The following B3GALT1 variants were observed in gnomAD, a reference collection of about 807,000 sequenced individuals.
B3GALT1 encodes beta-1,3-galactosyltransferase 1, also known as UDP-Gal:betaGlcNAc beta 1,3-galactosyltransferase, polypeptide 1.
In B3GALT1, 10 loss-of-function variants were observed where a neutral mutation model predicts 23.2. The ratio of observed to expected loss-of-function variants is 0.43; its 90% confidence interval spans 0.27 to 0.73. The LOEUF (loss-of-function observed/expected upper bound fraction) is 0.73, where lower values mean the gene tolerates loss of function less well. Among genes scored for constraint, B3GALT1 ranks in the 30% least tolerant of loss-of-function variants. The pLI is 0.21. For synonymous variants in B3GALT1, 156 were observed against 141.5 expected, an observed-to-expected ratio of 1.10 and a Z score of -0.73; for missense variants, 299 against 405.4, an observed-to-expected ratio of 0.74 and a Z score of 2.25.
At chr2:167,488,364 ATG>A (rs1699655995) in intron 1 of B3GALT1, among the ~76,000 whole-genome samples, 1 of 152,192 alleles carries the variant, frequency 6.6e-6, no homozygotes, top group African/African-American at 2.4e-5. Flanking sequence ...ACAGACTCTA[ATG>A]TCTGTGAGAA....
chr2:167,760,814 T>A (rs1246514743), intron 3 of B3GALT1, among the ~76,000 whole-genome samples: 3 of 152,230 alleles, frequency 2.0e-5, no homozygotes, highest in Admixed American at 2.0e-4. Context: ...AAATGCTTAA[T>A]ACATATCATG....
Position 167,869,355 on chromosome 2 carries a change from A to G in B3GALT1, c.316A>G (p.Asn106Asp). The G allele has an allele frequency of 6.2e-7, 1 of 1,614,140 alleles. No individual in the cohort carries two copies. Among genetic ancestry groups the G allele is most frequent in the Non-Finnish European group, 8.5e-7 (1 of 1,180,016 alleles). ...AIRETWGDENNFKGIKIATLF... is the reference protein window; with the variant it reads ...AIRETWGDENDFKGIKIATLF... ...CAGAGAGACGTGGGGGGATGAGAAC[A>G]ACTTTAAGGGGATCAAGATAGCCAC... is the stretch of plus-strand genomic sequence containing the variant. The change falls in exon 5 of 5, where the codon AAC becomes GAC. Residue 106 changes from asparagine to aspartate, a missense_variant. Transcript: ENST00000392690. The surrounding 1 kb of genome is among the most constrained non-coding windows in gnomAD (Gnocchi z 6.4).
chr2:167,586,059 C>T lies in B3GALT1; in HGVS notation c.-409-60850C>T, dbSNP rs554210810. ...GGTAAAGCGCCATTTTTTGGAGTGGCTGGTAGGTGTATTCACTTAGTAAAC... is the reference window on the plus strand; with the variant it reads ...GGTAAAGCGCCATTTTTTGGAGTGGTTGGTAGGTGTATTCACTTAGTAAAC... On this transcript the variant is annotated intron_variant, in intron 2 of 4. Transcript: ENST00000392690. Among the ~76,000 whole-genome samples the T allele has an allele frequency of 1.2e-4, 19 of 152,242 alleles. No individual in the cohort carries two copies. In the East Asian group the frequency reaches 3.3e-3, roughly 26 times the overall value.
chr2:167,588,551 T>C (rs991990188), intron 2 of B3GALT1, among the ~76,000 whole-genome samples: 2 of 152,222 alleles, frequency 1.3e-5, no homozygotes, highest in East Asian at 3.9e-4. Flanking sequence ...ACAATGGTTA[T>C]TATTTTTCTA....
intron 3 of B3GALT1, among the ~76,000 whole-genome samples, chr2:167,656,255 G>A (rs972146898): frequency 1.3e-5 from 2 of 152,124 alleles, no homozygotes; most frequent in Admixed American, 1.3e-4. Flanking sequence ...ATAGAGCTCA[G>A]TTTCACTTCT....
chr2:167,837,123 G>T (rs1045844126), intron 4 of B3GALT1, among the ~76,000 whole-genome samples: 3 of 151,852 alleles, frequency 2.0e-5, no homozygotes, highest in South Asian at 2.1e-4. Flanking sequence ...CATCAACTAA[G>T]GAGCAAAATA....
At chr2:167,825,000 AT>A (rs1256538060) in intron 4 of B3GALT1, among the ~76,000 whole-genome samples, 2 of 152,080 alleles carry the variant, frequency 1.3e-5, no homozygotes, top group African/African-American at 2.4e-5. Flanking sequence ...AGAAAAAAAA[AT>A]TGCATAGAAA....
chr2:167,532,700 A>G (rs763829608), intron 2 of B3GALT1, among the ~76,000 whole-genome samples: 1 of 152,136 alleles, frequency 6.6e-6, no homozygotes. Flanking sequence ...AAAGAAAACA[A>G]TGCAACATTT....
intron 1 of B3GALT1, among the ~76,000 whole-genome samples, chr2:167,458,565 G>A (rs971685796): frequency 6.6e-6 from 1 of 152,106 alleles, no homozygotes; most frequent in Non-Finnish European, 1.5e-5. Flanking sequence ...ACTATTGTAC[G>A]TTCCTACAGT....
chr2:167,718,338 A>G (rs554486035), intron 3 of B3GALT1, among the ~76,000 whole-genome samples: 2 of 152,330 alleles, frequency 1.3e-5, no homozygotes, highest in East Asian at 3.9e-4. Context: ...GAAACAATCA[A>G]ATATCATCTT....
intron 2 of B3GALT1, among the ~76,000 whole-genome samples, chr2:167,533,027 A>G (rs1489342111): frequency 6.6e-6 from 1 of 150,664 alleles, no homozygotes; most frequent in Non-Finnish European, 1.5e-5. Flanking sequence ...ACGCCTGGCT[A>G]ATTTTGTATT....
intron 3 of B3GALT1, among the ~76,000 whole-genome samples, chr2:167,768,502 G>A (rs1688015521): frequency 6.6e-6 from 1 of 152,152 alleles, no homozygotes; most frequent in Non-Finnish European, 1.5e-5. Flanking sequence ...AACTTGCATG[G>A]CATATCCACT....
At chr2:167,554,531 T>C (rs1027220345) in intron 2 of B3GALT1, among the ~76,000 whole-genome samples, 3 of 152,232 alleles carry the variant, frequency 2.0e-5, no homozygotes, top group Non-Finnish European at 4.4e-5. Flanking sequence ...GTTACCTTCT[T>C]TCCTAATAGA....
At chr2:167,416,701 T>C (rs951690068) in intron 1 of B3GALT1, among the ~76,000 whole-genome samples, 10 of 152,140 alleles carry the variant, frequency 6.6e-5, no homozygotes, top group African/African-American at 2.4e-4. Flanking sequence ...CTGTATGAGC[T>C]ACCATGTGAC....
At chr2:167,552,270 T>A (rs1683762556) in intron 2 of B3GALT1, among the ~76,000 whole-genome samples, 1 of 152,174 alleles carries the variant, frequency 6.6e-6, no homozygotes, top group Admixed American at 6.5e-5. Flanking sequence ...TACCAACCTC[T>A]CCTTCAGTTC....
intron 1 of B3GALT1, among the ~76,000 whole-genome samples, chr2:167,484,051 T>C (rs898913565): frequency 2.0e-5 from 3 of 152,190 alleles, no homozygotes; most frequent in African/African-American, 4.8e-5. Context: ...AATATATGGC[T>C]CTTACTTCAG....
chr2:167,662,000 C>T (rs1686067988), intron 3 of B3GALT1, among the ~76,000 whole-genome samples: 1 of 151,480 alleles, frequency 6.6e-6, no homozygotes, highest in African/African-American at 2.4e-5. Context: ...TGTGAAGAAA[C>T]TTCCAAAAGA....
At chr2:167,352,642 A>G (rs1034756190) in intron 1 of B3GALT1, among the ~76,000 whole-genome samples, 2 of 151,750 alleles carry the variant, frequency 1.3e-5, no homozygotes, top group African/African-American at 4.8e-5. Context: ...AATGGCATGA[A>G]CCTGGGAGGC....
At chr2:167,375,279 T>C (rs1697745564) in intron 1 of B3GALT1, among the ~76,000 whole-genome samples, 1 of 152,070 alleles carries the variant, frequency 6.6e-6, no homozygotes, top group Non-Finnish European at 1.5e-5. Flanking sequence ...AAATGGTATG[T>C]CTGGCTTTGG....
Sources: gnomAD v4.1 joint callset for allele counts (sites outside exome capture counted in the v4.1 genomes callset) on GRCh38, gnomAD v4.1.1 for gene constraint, Gnocchi (gnomAD v3.1) non-coding constraint, MANE v1.5 for transcripts, NCBI Gene and HGNC (gene_info 2026-07-23, HGNC 2026-07-21) for gene names.